Variants in COL26A1 observed in about 807,000 individuals in gnomAD.
COL26A1 encodes collagen type XXVI alpha 1 chain, also known as collagen alpha-1(XXVI) chain.
A neutral mutation model predicts 59.3 loss-of-function variants in COL26A1; 41 were observed. That is an observed-to-expected ratio of 0.69 (90% CI 0.54 to 0.90). The LOEUF is 0.90. Ranked by LOEUF, COL26A1 falls within the 40% of genes least tolerant of loss-of-function variation. The pLI is 0.00. For synonymous variants in COL26A1, 266 were observed against 256.0 expected (o/e 1.04, Z -0.37); for missense variants, 612 against 602.3 (o/e 1.02, Z -0.17).
intron 3 of COL26A1, among the ~76,000 whole-genome samples, chr7:101,471,718 G>T (rs1198712321): frequency 6.6e-6 from 1 of 151,012 alleles, no homozygotes; most frequent in African/African-American, 2.4e-5. Context: ...TAGCTGGGAC[G>T]ATAGGCACGC....
intron 1 of COL26A1, among the ~76,000 whole-genome samples, chr7:101,417,282 G>A (rs888768197): frequency 2.6e-5 from 4 of 151,910 alleles, no homozygotes; most frequent in African/African-American, 7.3e-5. Flanking sequence ...TTGGTGGGCT[G>A]GAGGTATGGA....
chr7:101,497,762 CT>C (rs1281679647), intron 3 of COL26A1, among the ~76,000 whole-genome samples: 2 of 152,214 alleles, frequency 1.3e-5, no homozygotes, highest in African/African-American at 4.8e-5. Context: ...GGAAGGATCA[CT>C]TGAGCCAAGA....
chr7:101,500,587 G>A (rs777316811), intron 3 of COL26A1, among the ~76,000 whole-genome samples: 1 of 152,168 alleles, frequency 6.6e-6, no homozygotes, highest in East Asian at 1.9e-4. Flanking sequence ...GCAGGCCGAG[G>A]CGGGCAGATC....
At chr7:101,504,775 G>A (rs1794771803) in intron 3 of COL26A1, among the ~76,000 whole-genome samples, 1 of 152,230 alleles carries the variant, frequency 6.6e-6, no homozygotes. Context: ...GCCATGAAAG[G>A]CCAGAGCCTG....
At chr7:101,539,870 ACT>A (rs745444238) in intron 4 of COL26A1, 21 bp from the exon 5 acceptor site, 7 of 1,598,708 alleles carry the variant, frequency 4.4e-6, no homozygotes, top group South Asian at 3.3e-5. Flanking sequence ...CTGGGACCTG[ACT>A]CTCTATCTCC....
chr7:101,433,151 C>T (rs917945673), intron 2 of COL26A1, among the ~76,000 whole-genome samples: 19 of 152,074 alleles, frequency 1.2e-4, no homozygotes, highest in East Asian at 7.8e-4. Flanking sequence ...AGTGAAACCC[C>T]GTTTCCACTA....
intron 3 of COL26A1, among the ~76,000 whole-genome samples, chr7:101,528,002 G>A (rs1795286000): frequency 6.6e-6 from 1 of 152,204 alleles, no homozygotes; most frequent in Admixed American, 6.5e-5. Context: ...TTAATTGCCT[G>A]TCGATGACAG....
chr7:101,503,477 G>A (rs1794745044), intron 3 of COL26A1, among the ~76,000 whole-genome samples: 1 of 152,054 alleles, frequency 6.6e-6, no homozygotes, highest in Non-Finnish European at 1.5e-5. Flanking sequence ...CAAATTCCTG[G>A]GCTCAAGGGA....
At position 101,437,390 on chromosome 7, in the gene COL26A1, A is replaced by T. The variant is rs1792941465; in HGVS notation, c.282-10294A>T. 2.4e-5 allele frequency among the ~76,000 whole-genome samples: 3 copies of T among 126,344 alleles called. No homozygotes were observed. In the South Asian group the frequency reaches 8.2e-4, roughly 35 times the overall value. 82.9% of individuals were successfully genotyped at this position (126,344 alleles called of 152,430 possible). ...GTCCTGAATGGGGGCGGAGTTCCGA[A>T]TGGGGGGCGGAGTTCCGAATGGGGG... On this transcript the variant is annotated intron_variant, in intron 2 of 12. Coordinates refer to ENST00000313669, the MANE Select transcript of COL26A1 (RefSeq NM_001278563.3).
At chr7:101,456,168 A>ATT (rs149361281) in intron 3 of COL26A1, among the ~76,000 whole-genome samples, 7,939 of 124,534 alleles carry the variant, frequency 0.064, 346 homozygotes, top group East Asian at 0.22. Flanking sequence ...ATATATATAT[A>ATT]TTTTTTTTTT....
At chr7:101,426,406 A>G (rs761972244) in intron 2 of COL26A1, among the ~76,000 whole-genome samples, 6 of 152,060 alleles carry the variant, frequency 3.9e-5, no homozygotes, top group Non-Finnish European at 4.4e-5. Flanking sequence ...AGCCATGAAG[A>G]TCCTGGGATC....
At chr7:101,381,651 G>C (rs557430497) in intron 1 of COL26A1, among the ~76,000 whole-genome samples, 1 of 152,124 alleles carries the variant, frequency 6.6e-6, no homozygotes, top group African/African-American at 2.4e-5. Flanking sequence ...TTTACAATCC[G>C]TATAATCTAT....
At chr7:101,409,873 G>A (rs1792204666) in intron 1 of COL26A1, among the ~76,000 whole-genome samples, 1 of 152,098 alleles carries the variant, frequency 6.6e-6, no homozygotes, top group Admixed American at 6.6e-5. Context: ...CCATTCTCCT[G>A]TTTCAGCCTC....
At chr7:101,375,684 A>G (rs1354072877) in intron 1 of COL26A1, among the ~76,000 whole-genome samples, 2 of 151,572 alleles carry the variant, frequency 1.3e-5, no homozygotes, top group East Asian at 3.9e-4. Context: ...TACAGAAGAA[A>G]GAAAGAAAGA....
chr7:101,413,546 G>T (rs13245837), intron 1 of COL26A1, among the ~76,000 whole-genome samples: 3 of 93,382 alleles, frequency 3.2e-5, no homozygotes, highest in South Asian at 4.1e-4. Context: ...TGAAAGGAAA[G>T]GAAAGAAAAA....
chr7:101,368,543 T>G (rs6956224), intron 1 of COL26A1, among the ~76,000 whole-genome samples: 1 of 151,958 alleles, frequency 6.6e-6, no homozygotes, highest in Non-Finnish European at 1.5e-5. Context: ...TATTTATACT[T>G]ACTTTTAACT....
chr7:101,401,564 GAGAA>G (rs1443197809), intron 1 of COL26A1, among the ~76,000 whole-genome samples: 3 of 143,718 alleles, frequency 2.1e-5, no homozygotes, highest in East Asian at 2.2e-4. Context: ...GGAGGAAGAA[GAGAA>G]AGAGGAGGAG....
At chr7:101,495,443 C>A (rs376348070) in intron 3 of COL26A1, among the ~76,000 whole-genome samples, 1 of 151,070 alleles carries the variant, frequency 6.6e-6, no homozygotes, top group East Asian at 2.0e-4. Flanking sequence ...GAGTCTCGCT[C>A]TGTCGCCCAG....
chr7:101,512,456 C>A (rs1030052369), intron 3 of COL26A1, among the ~76,000 whole-genome samples: 14 of 151,774 alleles, frequency 9.2e-5, no homozygotes, highest in African/African-American at 3.1e-4. Flanking sequence ...CCTGTCTCTA[C>A]AAAAAAATAA....
Sources: gnomAD v4.1 joint callset for allele counts (sites outside exome capture counted in the v4.1 genomes callset) on GRCh38, gnomAD v4.1.1 for gene constraint, MANE v1.5 for transcripts, NCBI Gene and HGNC (gene_info 2026-07-23, HGNC 2026-07-21) for gene names.